CSMD1: variants seen among roughly 807,000 people sequenced by gnomAD.
CSMD1 encodes CUB and sushi domain-containing protein 1.
A neutral mutation model predicts 417.5 loss-of-function variants in CSMD1; 213 were observed. The observed-to-expected ratio is 0.51, with a 90% CI of 0.46 to 0.57. CSMD1 has a LOEUF of 0.57. Among genes scored for constraint, CSMD1 ranks in the 20% least tolerant of loss-of-function variants. The pLI is 0.00. For missense variants in CSMD1, 6,923 were observed against 4,529.7 expected (o/e 1.53, Z -15.17); for synonymous variants, 2,862 against 1,736.8 (o/e 1.65, Z -16.11).
At chr8:4,112,788 A>C (rs1352632394) in intron 3 of CSMD1, among the ~76,000 whole-genome samples, 1 of 152,196 alleles carries the variant, frequency 6.6e-6, no homozygotes, top group Non-Finnish European at 1.5e-5. Context: ...AAACGTTAGA[A>C]TTTTATACAC....
chr8:4,702,668 T>A (rs1298999632), intron 1 of CSMD1, among the ~76,000 whole-genome samples: 1 of 152,162 alleles, frequency 6.6e-6, no homozygotes, highest in African/African-American at 2.4e-5. Context: ...GAAACATTTT[T>A]AATAACCACT....
At chr8:3,216,286 A>T (rs1563151418) in intron 29 of CSMD1, among the ~76,000 whole-genome samples, 1 of 152,134 alleles carries the variant, frequency 6.6e-6, no homozygotes, top group Admixed American at 6.6e-5. Flanking sequence ...CAAATAAGTA[A>T]ACCTGTAAGT....
chr8:4,041,072 A>AGTACG (rs1797865877), intron 3 of CSMD1, among the ~76,000 whole-genome samples: 1 of 139,604 alleles, frequency 7.2e-6, no homozygotes, highest in Non-Finnish European at 1.5e-5. Context: ...GCTGGAGTGC[A>AGTACG]GTGGCGCGAT....
At chr8:3,437,362 T>C (rs551271336) in intron 12 of CSMD1, among the ~76,000 whole-genome samples, 47 of 152,292 alleles carry the variant, frequency 3.1e-4, no homozygotes, top group African/African-American at 1.1e-3. Context: ...TGAGGTATAG[T>C]TTGCATTCAT....
chr8:3,349,377 T>C (rs951292301), intron 21 of CSMD1, among the ~76,000 whole-genome samples: 2 of 152,168 alleles, frequency 1.3e-5, no homozygotes, highest in Admixed American at 6.5e-5. Context: ...TAGAGATCCA[T>C]GATTGCCCCC....
rs1229415232 is a variant in CSMD1 at position 4,834,972 on chromosome 8, A to G, written c.85+159360T>C. On this transcript the variant is annotated intron_variant, in intron 1 of 69. Transcript: ENST00000635120. Reference sequence around the variant, plus strand: ...ACTCCATCTCAAAAAAAAAAAAAAAAAAAAAAAAGAAAGAAAGAAAGAAAG... The same window carrying G: ...ACTCCATCTCAAAAAAAAAAAAAAAGAAAAAAAAGAAAGAAAGAAAGAAAG... Among the ~76,000 whole-genome samples the G allele has an allele frequency of 7.7e-3, 307 of 39,848 alleles. 2 individuals are homozygous for G. The highest frequency in any genetic ancestry group is 0.047 in the Middle Eastern group (3 of 64). The allele number at this position is 39,848 out of a possible 152,430, so 26.1% of individuals were successfully genotyped here.
chr8:3,381,301 C>G (rs909689405), intron 18 of CSMD1, among the ~76,000 whole-genome samples: 3 of 152,000 alleles, frequency 2.0e-5, no homozygotes, highest in Non-Finnish European at 2.9e-5. Flanking sequence ...TACACACACC[C>G]TATGTTAAAA....
chr8:3,031,684 C>T (rs924133370), intron 50 of CSMD1, among the ~76,000 whole-genome samples: 11 of 151,822 alleles, frequency 7.2e-5, no homozygotes, highest in African/African-American at 9.7e-5. Flanking sequence ...AGGTATGAGC[C>T]GCTGCACCCA....
intron 5 of CSMD1, among the ~76,000 whole-genome samples, chr8:3,980,133 T>C (rs1813739674): frequency 6.6e-6 from 1 of 152,186 alleles, no homozygotes; most frequent in Admixed American, 6.5e-5. Flanking sequence ...TATCATTGTA[T>C]AGTGCTGTAC....
At chr8:4,383,969 C>G (rs903745987) in intron 3 of CSMD1, among the ~76,000 whole-genome samples, 1 of 152,144 alleles carries the variant, frequency 6.6e-6, no homozygotes, top group Non-Finnish European at 1.5e-5. Flanking sequence ...GCTCTCTCAA[C>G]AGCATACCCT....
At chr8:3,076,818 G>C (rs970281420) in intron 49 of CSMD1, among the ~76,000 whole-genome samples, 6 of 152,152 alleles carry the variant, frequency 3.9e-5, no homozygotes, top group Non-Finnish European at 7.3e-5. Context: ...CAGAATCTCT[G>C]CCTTTTCTTT....
At chr8:4,530,224 T>G (rs1011681250) in intron 2 of CSMD1, among the ~76,000 whole-genome samples, 10 of 151,654 alleles carry the variant, frequency 6.6e-5, no homozygotes, top group Non-Finnish European at 1.5e-4. Context: ...GCCATTGTTA[T>G]TTGTGACTGC....
At chr8:3,212,198 G>A (rs555877638) in intron 30 of CSMD1, among the ~76,000 whole-genome samples, 1 of 152,170 alleles carries the variant, frequency 6.6e-6, no homozygotes, top group East Asian at 1.9e-4. Context: ...TCTTATTTTA[G>A]TTTTTAATAA....
At chr8:4,356,764 C>G (rs560506681) in intron 3 of CSMD1, among the ~76,000 whole-genome samples, 1 of 152,122 alleles carries the variant, frequency 6.6e-6, no homozygotes, top group Non-Finnish European at 1.5e-5. Context: ...ATGACTGGAA[C>G]CGAGTTCTTC....
At chr8:4,372,960 T>C (rs1802487509) in intron 3 of CSMD1, among the ~76,000 whole-genome samples, 2 of 152,160 alleles carry the variant, frequency 1.3e-5, no homozygotes, top group Admixed American at 1.3e-4. Flanking sequence ...GAGTGCAGTG[T>C]GGCAAGAGGA....
At chr8:4,147,322 T>C (rs751402028) in intron 3 of CSMD1, among the ~76,000 whole-genome samples, 2 of 152,150 alleles carry the variant, frequency 1.3e-5, no homozygotes, top group Non-Finnish European at 2.9e-5. Context: ...GCCTTCTGTA[T>C]GCTCACCTGT....
In CSMD1 at chr8:4,063,002, T is replaced by C. The variant is rs534575390; in HGVS notation, c.416-30903A>G. ...GGAAATAGGTAATCCAGACACTTAT[T>C]AAGAGATACTGTTAGTTACATAATT... On this transcript the variant is annotated intron_variant, in intron 3 of 69. Coordinates refer to ENST00000635120, the MANE Select transcript of CSMD1 (RefSeq NM_033225.6). 3.9e-5 allele frequency among the ~76,000 whole-genome samples: 6 copies of C among 152,248 alleles called. No individual in the cohort carries two copies. The East Asian group carries it at 1.2e-3, about 29-fold the overall frequency.
In CSMD1 at chr8:3,945,440, T is replaced by C. The variant is rs1811159322; in HGVS notation, c.818+52463A>G. ...GGCATATTACAAATAACTTCAATAG[T>C]CTAACTGCTAATCTTTTCAATTGTT... On this transcript the variant is annotated intron_variant, in intron 5 of 69. Transcript: ENST00000635120. Among the ~76,000 whole-genome samples, 3 of 152,122 alleles carry C rather than the reference T, an allele frequency of 2.0e-5. No individual in the cohort carries two copies. In the South Asian group the frequency reaches 6.2e-4, roughly 32 times the overall value.
rs750152499 is a variant in CSMD1 at position 3,308,731 on chromosome 8, A to AAT, written c.3632-229_3632-228insAT. ...TCTTATTTGTTCCTCCCTACTTACA[A>AAT]GTTTTTTTTTTTTTTTTTTTTTGCT... On this transcript the variant is annotated intron_variant, in intron 23 of 69. Coordinates refer to ENST00000635120, the MANE Select transcript of CSMD1 (RefSeq NM_033225.6). 2.2e-4 allele frequency among the ~76,000 whole-genome samples: 17 copies of AAT among 75,814 alleles called. 1 individual carries two copies. The highest frequency in any genetic ancestry group is 4.5e-4 in the East Asian group (1 of 2,234). The allele number at this position is 75,814 out of a possible 152,430, so 49.7% of individuals were successfully genotyped here.
Sources: allele counts gnomAD v4.1 joint callset (sites outside exome capture counted in the v4.1 genomes callset), GRCh38; gene constraint gnomAD v4.1.1; transcripts MANE v1.5; gene names NCBI Gene and HGNC (gene_info 2026-07-23, HGNC 2026-07-21).